Variants in FLRT1 observed in about 807,000 individuals in gnomAD.
FLRT1 encodes leucine-rich repeat transmembrane protein FLRT1.
FLRT1 carries 14 observed loss-of-function variants against 30.9 expected under a neutral mutation model. That is an observed-to-expected ratio of 0.45 (90% confidence interval 0.30 to 0.71). FLRT1 has a LOEUF of 0.71. Ranked by LOEUF, FLRT1 falls within the 30% of genes least tolerant of loss-of-function variation. The probability of loss-of-function intolerance (pLI) is 0.08; values close to 1 mark genes in which losing one functional copy is unlikely to be tolerated. For missense variants in FLRT1, 737 were observed against 949.2 expected (o/e 0.78, Z 2.94); for synonymous variants, 368 against 430.4 (o/e 0.85, Z 1.80).
At chr11:64,110,697 G>C (rs1427994864) in intron 2 of FLRT1, among the ~76,000 whole-genome samples, 3 of 152,154 alleles carry the variant, frequency 2.0e-5, no homozygotes, top group African/African-American at 7.2e-5. Context: ...TCATGGAGCT[G>C]GCAGGTCGTA....
At chr11:64,099,851 GAATA>G (rs1944641065) in intron 1 of FLRT1, among the ~76,000 whole-genome samples, 1 of 151,854 alleles carries the variant, frequency 6.6e-6, no homozygotes, top group African/African-American at 2.4e-5. Context: ...ATGGATGAAT[GAATA>G]GAGAAATGGT....
chr11:64,037,077 G>A (rs1943396147), intron 1 of FLRT1, among the ~76,000 whole-genome samples: 1 of 151,956 alleles, frequency 6.6e-6, no homozygotes, highest in African/African-American at 2.4e-5. Flanking sequence ...CCCAGCTGGG[G>A]TGTGCCAGGC....
intron 1 of FLRT1, among the ~76,000 whole-genome samples, chr11:64,086,592 G>A (rs1315510692): frequency 1.3e-5 from 2 of 152,108 alleles, no homozygotes; most frequent in African/African-American, 4.8e-5. Flanking sequence ...TTGCACAGCG[G>A]TTCTGCGACT....
At position 64,064,216 on chromosome 11, in the gene FLRT1, A is replaced by T. The variant is rs1943954710; in HGVS notation, c.-1038+28057A>T. ...CATGAATAAAACATCAGTGTAGGGG[A>T]AAAAAATCCCAAACTGCACAGCCTA... On this transcript the variant is annotated intron_variant, in intron 1 of 2. Coordinates refer to ENST00000682287, the MANE Select transcript of FLRT1 (RefSeq NM_013280.5). The surrounding 1 kb of genome is among the most constrained non-coding windows in gnomAD (Gnocchi z 4.5). Among the ~76,000 whole-genome samples, 1 of 147,858 alleles carries T rather than the reference A, an allele frequency of 6.8e-6. No homozygotes were observed. Among genetic ancestry groups the T allele is most frequent in the Admixed American group, 6.6e-5 (1 of 15,068 alleles).
rs772829544 is a variant in FLRT1, at chr11:64,118,213, C to T, written c.1946C>T (p.Ala649Val). Reference protein sequence around the residue: ...FPSNGSSLCKATHTIGYGTTR... With the variant: ...FPSNGSSLCKVTHTIGYGTTR... ...TCCAACGGCAGCAGCCTCTGCAAGG[C>T]CACACACACCATTGGCTACGGCACC... Residue 649 changes from alanine (A) to valine (V), a missense_variant, in exon 3 of 3, where the codon GCC becomes GTC. Physicochemically the swap from Ala to Val is moderately conservative, Grantham distance 64 (BLOSUM62 0). Transcript: ENST00000682287. 9 of 1,613,088 alleles carry T rather than the reference C, an allele frequency of 5.6e-6. No individual in the cohort carries two copies. Among genetic ancestry groups the T allele is most frequent in the African/African-American group, 1.3e-5 (1 of 75,076 alleles).
chr11:64,096,148 C>T lies in FLRT1; in HGVS notation c.-1037-7046C>T, dbSNP rs948609517. 4.6e-5 allele frequency among the ~76,000 whole-genome samples: 7 copies of T among 152,256 alleles called. No homozygotes were observed. Among genetic ancestry groups the T allele is most frequent in the African/African-American group, 1.2e-4 (5 of 41,470 alleles). ...CCAGACCCTGGAGGCCAGGAGGGGA[C>T]CAGGGCTGCCCGCCGGCTCCACCAC... On this transcript the variant is annotated intron_variant, in intron 1 of 2. Transcript: ENST00000682287. This position sits in a 1 kb window ranked among gnomAD's most constrained non-coding sequence, Gnocchi z 4.6.
chr11:64,087,774 A>C (rs1032890540), intron 1 of FLRT1, among the ~76,000 whole-genome samples: 39 of 152,194 alleles, frequency 2.6e-4, no homozygotes, highest in African/African-American at 8.9e-4. Flanking sequence ...GCACGTCTGA[A>C]TGACCGGAGG....
chr11:64,117,383 C>T lies in FLRT1; in HGVS notation c.1116C>T (p.Thr372=), dbSNP rs1475269377. ...GGGGCATGGCCATCAAGGACATTAC[C>T]AGCGAGATGGACGAGTGTTTTGAGA... ...KVRGMAIKDI[T]SEMDECFETG... is the part of the protein sequence containing the mutation. Residue 372 remains threonine (T), a synonymous_variant, in exon 3 of 3, where the codon ACC becomes ACT. Transcript: ENST00000682287. 1.2e-6 allele frequency: 2 copies of T among 1,612,388 alleles called. No individual in the cohort carries two copies. Among genetic ancestry groups the T allele is most frequent in the Non-Finnish European group, 8.5e-7 (1 of 1,178,640 alleles).
chr11:64,049,772 G>A (rs1228417217), intron 1 of FLRT1, among the ~76,000 whole-genome samples: 1 of 152,208 alleles, frequency 6.6e-6, no homozygotes, highest in Admixed American at 6.5e-5. Context: ...TGTGAAATGG[G>A]CGCCAGCCTG....
chr11:64,117,698 G>A lies in FLRT1; in HGVS notation c.1431G>A (p.Val477=). The A allele has an allele frequency of 6.2e-7, 1 of 1,613,626 alleles. No individual in the cohort carries two copies. The highest frequency in any genetic ancestry group is 1.1e-5 in the South Asian group (1 of 91,064). ...SWLRLGHSPA[V]GSITETLVQG... ...TGCGCCTGGGCCACAGCCCAGCCGT[G>A]GGCTCCATCACGGAGACCTTGGTGC... is the stretch of plus-strand genomic sequence containing the variant. The change falls in exon 3 of 3, where the codon GTG becomes GTA. Residue 477 remains valine, a synonymous_variant. Coordinates refer to ENST00000682287, the MANE Select transcript of FLRT1 (RefSeq NM_013280.5).
At chr11:64,045,197 C>T (rs1943560955) in intron 1 of FLRT1, among the ~76,000 whole-genome samples, 1 of 150,962 alleles carries the variant, frequency 6.6e-6, no homozygotes, top group African/African-American at 2.4e-5. Context: ...CTGGGCCTCG[C>T]TGCCCGCTGG....
At chr11:64,085,635 T>G (rs1015610481) in intron 1 of FLRT1, among the ~76,000 whole-genome samples, 1 of 152,212 alleles carries the variant, frequency 6.6e-6, no homozygotes, top group African/African-American at 2.4e-5. Flanking sequence ...CTGCCCCACA[T>G]GGCTGTGGGG....
intron 1 of FLRT1, among the ~76,000 whole-genome samples, chr11:64,053,516 G>A (rs957340147): frequency 2.0e-5 from 3 of 152,138 alleles, no homozygotes; most frequent in African/African-American, 4.8e-5. Flanking sequence ...CTGGGTTGGG[G>A]AGGCAAGGCT....
chr11:64,084,690 G>C (rs950421390), intron 1 of FLRT1, among the ~76,000 whole-genome samples: 1 of 152,240 alleles, frequency 6.6e-6, no homozygotes, highest in Non-Finnish European at 1.5e-5. Flanking sequence ...CAGTCAGGAG[G>C]GAGCAGGGCT....
rs550871684 is a variant in FLRT1 at position 64,118,273 on chromosome 11, T to C, written c.2006T>C (p.Ile669Thr). 1.1e-5 allele frequency: 18 copies of C among 1,587,122 alleles called. No individual in the cohort carries two copies. In the East Asian group the frequency reaches 3.1e-4, roughly 28 times the overall value. Residue 669 changes from isoleucine to threonine, a missense_variant, in exon 3 of 3, where the codon ATA becomes ACA. By Grantham distance (89) the Ile-to-Thr change is moderately conservative. Coordinates refer to ENST00000682287, the MANE Select transcript of FLRT1 (RefSeq NM_013280.5). ...RGYRDGGIPD[I>T]DYSYT ...TACCGGGACGGCGGCATCCCCGACA[T>C]AGACTACTCCTACACATGATGCCCG...
chr11:64,065,394 C>T (rs545300509), intron 1 of FLRT1, among the ~76,000 whole-genome samples: 3 of 152,262 alleles, frequency 2.0e-5, no homozygotes, highest in South Asian at 2.1e-4. Flanking sequence ...TTGCCATGTA[C>T]GAAGAGTTCA....
At chr11:64,115,949 G>A (rs1486563436) in intron 2 of FLRT1, among the ~76,000 whole-genome samples, 1 of 152,188 alleles carries the variant, frequency 6.6e-6, no homozygotes, top group Non-Finnish European at 1.5e-5. Flanking sequence ...GGAGGGCCGC[G>A]GCAGCACGGG....
rs1211623442 is a variant in FLRT1 at position 64,036,552 on chromosome 11, A to G, written c.-1038+393A>G. ...CGGTCATGTGGGTCCCAGCTCCCGC[A>G]CTCGGGAACCGGAGGAGGGCGCGCG... is the stretch of plus-strand genomic sequence containing the variant. On this transcript the variant is annotated intron_variant, in intron 1 of 2. Coordinates refer to ENST00000682287, the MANE Select transcript of FLRT1 (RefSeq NM_013280.5). The surrounding 1 kb of genome is among the most constrained non-coding windows in gnomAD (Gnocchi z 5.6). 6.6e-6 allele frequency among the ~76,000 whole-genome samples: 1 copy of G among 151,892 alleles called. No individual in the cohort carries two copies. Among genetic ancestry groups the G allele is most frequent in the African/African-American group, 2.4e-5 (1 of 41,334 alleles).
intron 1 of FLRT1, among the ~76,000 whole-genome samples, chr11:64,074,547 G>A (rs756636326): frequency 1.3e-5 from 2 of 152,232 alleles, no homozygotes; most frequent in African/African-American, 2.4e-5. Flanking sequence ...ATAACGTGTG[G>A]AGAAGCAATT....
Sources: gnomAD v4.1 joint callset for allele counts (sites outside exome capture counted in the v4.1 genomes callset) on GRCh38, gnomAD v4.1.1 for gene constraint, Gnocchi (gnomAD v3.1) non-coding constraint, MANE v1.5 for transcripts, NCBI Gene and HGNC (gene_info 2026-07-23, HGNC 2026-07-21) for gene names.